CCSER1: variants seen among roughly 807,000 people sequenced by gnomAD.
CCSER1 encodes the protein coiled-coil serine rich protein 1, also known as serine-rich coiled-coil domain-containing protein 1.
A neutral mutation model predicts 82.0 loss-of-function variants in CCSER1; 41 were observed. The observed-to-expected ratio is 0.50, with a 90% CI of 0.39 to 0.65. The LOEUF (loss-of-function observed/expected upper bound fraction) is 0.65. Among genes scored for constraint, CCSER1 ranks in the 30% least tolerant of loss-of-function variants. The pLI is 0.00. For synonymous variants in CCSER1, 414 were observed against 383.9 expected (o/e 1.08, Z -0.92); for missense variants, 1,119 against 1,064.2 (o/e 1.05, Z -0.72).
intron 9 of CCSER1, among the ~76,000 whole-genome samples, chr4:91,057,450 T>C (rs1581441876): frequency 6.6e-6 from 1 of 152,280 alleles, no homozygotes; most frequent in Non-Finnish European, 1.5e-5. Context: ...TGACAGTTTT[T>C]ATTGCTAGAA....
At chr4:90,335,599 A>G (rs1230848123) in intron 3 of CCSER1, among the ~76,000 whole-genome samples, 1 of 152,138 alleles carries the variant, frequency 6.6e-6, no homozygotes, top group Non-Finnish European at 1.5e-5. Flanking sequence ...GAAAGCAAAT[A>G]TTTGTTCCCT....
intron 10 of CCSER1, among the ~76,000 whole-genome samples, chr4:91,384,485 A>T (rs531951427): frequency 6.6e-5 from 10 of 151,308 alleles, no homozygotes; most frequent in South Asian, 2.1e-4. Flanking sequence ...TTTTTTTTTA[A>T]AAAAATAAAT....
At chr4:90,400,341 A>G (rs1752640040) in intron 4 of CCSER1, among the ~76,000 whole-genome samples, 1 of 152,158 alleles carries the variant, frequency 6.6e-6, no homozygotes, top group African/African-American at 2.4e-5. Flanking sequence ...ATCCTGTTGG[A>G]AGATAATTAT....
rs188187653 is a variant in CCSER1 at position 90,349,482 on chromosome 4, G to A, written c.1509+36435G>A. On this transcript the variant is annotated intron_variant, in intron 3 of 10. Coordinates refer to ENST00000509176, the MANE Select transcript of CCSER1 (RefSeq NM_001145065.2). ...TACTTTTCTATCTTGTCTCCTGGTT[G>A]TGAGCTCTAATTTTAGTGAAACAAA... 3.3e-5 allele frequency among the ~76,000 whole-genome samples: 5 copies of A among 152,138 alleles called. No individual in the cohort carries two copies. The East Asian group carries it at 7.7e-4, about 24-fold the overall frequency.
intron 8 of CCSER1, among the ~76,000 whole-genome samples, chr4:90,906,305 T>A (rs1291402008): frequency 6.6e-6 from 1 of 152,140 alleles, no homozygotes; most frequent in Non-Finnish European, 1.5e-5. Context: ...AGTTTGTCAG[T>A]GAAGTTTGGT....
intron 10 of CCSER1, among the ~76,000 whole-genome samples, chr4:91,592,321 G>T (rs980925744): frequency 2.0e-5 from 3 of 152,086 alleles, no homozygotes; most frequent in African/African-American, 4.8e-5. Context: ...CAGCATGGGG[G>T]TAACTGCCAG....
At chr4:91,250,768 G>C (rs951540921) in intron 10 of CCSER1, among the ~76,000 whole-genome samples, 3 of 151,628 alleles carry the variant, frequency 2.0e-5, no homozygotes, top group African/African-American at 7.3e-5. Context: ...CTATGTTGGT[G>C]AGTGGTATTG....
chr4:91,538,808 G>T (rs1342995531), intron 10 of CCSER1, among the ~76,000 whole-genome samples: 1 of 147,324 alleles, frequency 6.8e-6, no homozygotes, highest in African/African-American at 2.5e-5. Flanking sequence ...CATTATTCTG[G>T]TTCTAAGCAA....
At chr4:91,454,276 T>G (rs75068096) in intron 10 of CCSER1, among the ~76,000 whole-genome samples, 1,912 of 152,182 alleles carry the variant, frequency 0.013, 46 homozygotes, top group African/African-American at 0.043. Flanking sequence ...ACAAAGGCTC[T>G]GAGGAGAGAA....
chr4:90,324,239 C>T (rs1470087761), intron 3 of CCSER1, among the ~76,000 whole-genome samples: 12 of 152,164 alleles, frequency 7.9e-5, no homozygotes, highest in South Asian at 2.1e-4. Context: ...CCTGAGGAAT[C>T]GCCACACTGA....
intron 10 of CCSER1, among the ~76,000 whole-genome samples, chr4:91,251,939 T>A (rs1433235760): frequency 6.6e-6 from 1 of 152,054 alleles, no homozygotes; most frequent in Admixed American, 6.6e-5. Flanking sequence ...AAAGAATGGG[T>A]GAAAATTTCT....
At chr4:90,300,029 G>A (rs1220234386) in intron 1 of CCSER1, among the ~76,000 whole-genome samples, 3 of 151,924 alleles carry the variant, frequency 2.0e-5, no homozygotes, top group Admixed American at 2.0e-4. Context: ...TTTCTTTTTA[G>A]TGTGGTCATT....
intron 10 of CCSER1, among the ~76,000 whole-genome samples, chr4:91,089,899 A>G (rs1723775327): frequency 6.6e-6 from 1 of 152,190 alleles, no homozygotes; most frequent in Non-Finnish European, 1.5e-5. Context: ...ATTTTCCACA[A>G]ACTCCTCCTT....
chr4:91,195,692 C>T lies in CCSER1; in HGVS notation c.2217+109698C>T, dbSNP rs1042528137. ...TTCTTATTAGTTTAAAAAAACAAAA[C>T]TACTTTTAATCTTCATACTTAATAT... On this transcript the variant is annotated intron_variant, in intron 10 of 10. Transcript: ENST00000509176. Among the ~76,000 whole-genome samples, 5 of 152,250 alleles carry T rather than the reference C, an allele frequency of 3.3e-5. No homozygotes were observed. In the East Asian group the frequency reaches 9.7e-4, roughly 29 times the overall value.
At chr4:91,473,095 T>G (rs954149589) in intron 10 of CCSER1, among the ~76,000 whole-genome samples, 12 of 152,140 alleles carry the variant, frequency 7.9e-5, no homozygotes, top group African/African-American at 2.4e-4. Context: ...TTACATGGTA[T>G]TAGGGGGAAC....
chr4:91,187,011 G>A (rs1247828708), intron 10 of CCSER1, among the ~76,000 whole-genome samples: 1 of 152,170 alleles, frequency 6.6e-6, no homozygotes, highest in African/African-American at 2.4e-5. Flanking sequence ...AGATTTTGGG[G>A]GGCCTGCTCC....
At chr4:91,217,595 G>A (rs1394406311) in intron 10 of CCSER1, among the ~76,000 whole-genome samples, 2 of 149,558 alleles carry the variant, frequency 1.3e-5, no homozygotes, top group East Asian at 2.0e-4. Context: ...GGTTCTCCAA[G>A]GCCCCACCAG....
chr4:90,782,685 C>CTTTTTTTTTT (rs61457393), intron 7 of CCSER1, among the ~76,000 whole-genome samples: 2 of 133,978 alleles, frequency 1.5e-5, no homozygotes, highest in African/African-American at 5.7e-5. Context: ...TTCTTTCTTT[C>CTTTTTTTTTT]TTTTTTTTTT....
At chr4:90,803,223 T>C (rs1045001858) in intron 7 of CCSER1, among the ~76,000 whole-genome samples, 1 of 152,140 alleles carries the variant, frequency 6.6e-6, no homozygotes, top group East Asian at 1.9e-4. Context: ...TGTCTTTTTT[T>C]AAATTATACT....
Sources: gnomAD v4.1 joint callset for allele counts (sites outside exome capture counted in the v4.1 genomes callset) on GRCh38, gnomAD v4.1.1 for gene constraint, MANE v1.5 for transcripts, NCBI Gene and HGNC (gene_info 2026-07-23, HGNC 2026-07-21) for gene names.